Variants in PAG1 observed in about 807,000 individuals in gnomAD.
PAG1 encodes the protein phosphoprotein associated with glycosphingolipid-enriched microdomains 1.
PAG1 carries 23 observed loss-of-function variants against 31.7 expected under a neutral mutation model. The ratio of observed to expected loss-of-function variants is 0.73; its 90% confidence interval spans 0.52 to 1.03. PAG1 has a LOEUF of 1.03. PAG1 is among the 50% of genes least tolerant of loss of function. The pLI is 0.00. For synonymous variants in PAG1, 214 were observed against 210.3 expected (o/e 1.02, Z -0.15); for missense variants, 473 against 540.7 (o/e 0.87, Z 1.24).
chr8:81,091,112 A>T (rs1489332848), intron 1 of PAG1, among the ~76,000 whole-genome samples: 2 of 152,190 alleles, frequency 1.3e-5, no homozygotes, highest in Non-Finnish European at 2.9e-5. Context: ...TAATAGATAG[A>T]GCATACAGAC....
At position 80,991,511 on chromosome 8, in the gene PAG1, G is replaced by C. The variant is rs755707986; in HGVS notation, c.145C>G (p.His49Asp). Reference sequence around the variant, plus strand: ...ATCAGGTTCTCATGGTCCCCACTATGCTGTCGCGGCTTCTTTTCCCTGAAA... The same window carrying C: ...ATCAGGTTCTCATGGTCCCCACTATCCTGTCGCGGCTTCTTTTCCCTGAAA... ...SCDREKKPRQHSGDHENLMNV... is the reference protein window; with the variant it reads ...SCDREKKPRQDSGDHENLMNV... Residue 49 changes from histidine (H) to aspartate (D), a missense_variant, in exon 5 of 9, where the codon CAT becomes GAT. His to Asp is a moderately conservative substitution (Grantham distance 81). Coordinates refer to ENST00000220597, the MANE Select transcript of PAG1 (RefSeq NM_018440.4). The C allele has an allele frequency of 6.2e-7, 1 of 1,613,476 alleles. No individual in the cohort carries two copies. The highest frequency in any genetic ancestry group is 1.1e-5 in the South Asian group (1 of 91,068).
intron 3 of PAG1, among the ~76,000 whole-genome samples, chr8:81,016,840 G>T (rs1808080583): frequency 6.6e-6 from 1 of 152,072 alleles, no homozygotes. Flanking sequence ...TCTCACACCA[G>T]GCCTAAGGTG....
intron 1 of PAG1, among the ~76,000 whole-genome samples, chr8:81,105,304 G>A (rs1809676933): frequency 1.3e-5 from 2 of 152,048 alleles, no homozygotes; most frequent in Admixed American, 6.5e-5. Flanking sequence ...CTAACAATGT[G>A]CCTGGTATCA....
intron 6 of PAG1, among the ~76,000 whole-genome samples, chr8:80,985,733 A>G (rs1166288119): frequency 1.3e-5 from 2 of 152,252 alleles, no homozygotes; most frequent in African/African-American, 2.4e-5. Flanking sequence ...GCTGGACACC[A>G]GAAAGGCAGC....
rs536297744 is a variant in PAG1, at chr8:80,982,085, C to T, written c.877-1591G>A. The stretch of plus-strand genomic sequence containing the variant: ...GCTGCTACATTGCCCAGGCTGGTTT[C>T]AAACACCTGGTTTCAAGTGATCCAC... On this transcript the variant is annotated intron_variant, in intron 7 of 8. Coordinates refer to ENST00000220597, the MANE Select transcript of PAG1 (RefSeq NM_018440.4). 4.6e-5 allele frequency among the ~76,000 whole-genome samples: 7 copies of T among 152,152 alleles called. No homozygotes were observed. In the East Asian group the frequency reaches 1.4e-3, roughly 29 times the overall value.
intron 2 of PAG1, among the ~76,000 whole-genome samples, chr8:81,057,539 G>T (rs1346701936): frequency 6.9e-6 from 1 of 145,658 alleles, no homozygotes; most frequent in Non-Finnish European, 1.5e-5. Context: ...ACACAGGAAG[G>T]GGAACATCAC....
At chr8:81,024,699 T>C (rs774682842) in intron 3 of PAG1, among the ~76,000 whole-genome samples, 2 of 152,218 alleles carry the variant, frequency 1.3e-5, no homozygotes, top group Non-Finnish European at 1.5e-5. Context: ...GGAAAATGTT[T>C]GTTTTTAGTT....
intron 3 of PAG1, among the ~76,000 whole-genome samples, chr8:81,029,584 G>A (rs936375838): frequency 2.6e-5 from 4 of 152,086 alleles, no homozygotes; most frequent in African/African-American, 7.2e-5. Context: ...TCCCTCTTGT[G>A]ACATGAATAC....
At chr8:81,009,719 C>T (rs771240815) in intron 3 of PAG1, among the ~76,000 whole-genome samples, 1 of 152,078 alleles carries the variant, frequency 6.6e-6, no homozygotes, top group African/African-American at 2.4e-5. Context: ...CTCAAGAGAT[C>T]CTCCCACCTA....
At chr8:81,046,582 C>T (rs1808645630) in intron 2 of PAG1, among the ~76,000 whole-genome samples, 1 of 152,118 alleles carries the variant, frequency 6.6e-6, no homozygotes, top group East Asian at 1.9e-4. Flanking sequence ...TGTTTTTGGG[C>T]AAACATAATT....
intron 1 of PAG1, among the ~76,000 whole-genome samples, chr8:81,089,230 G>A (rs900296413): frequency 6.6e-6 from 1 of 152,152 alleles, no homozygotes; most frequent in Non-Finnish European, 1.5e-5. Flanking sequence ...ACTGTGGAGG[G>A]ACTCAGGCAG....
intron 2 of PAG1, among the ~76,000 whole-genome samples, chr8:81,031,195 T>C (rs1242200730): frequency 6.6e-6 from 1 of 152,236 alleles, no homozygotes; most frequent in African/African-American, 2.4e-5. Context: ...AGTTAGAAAG[T>C]GAGAAACTGC....
chr8:81,030,896 T>C (rs1808368655), intron 2 of PAG1, among the ~76,000 whole-genome samples: 1 of 152,216 alleles, frequency 6.6e-6, no homozygotes, highest in Admixed American at 6.5e-5. Flanking sequence ...AATGAATGAA[T>C]GAACGAACGA....
chr8:81,068,530 T>A (rs1417400900), intron 2 of PAG1, among the ~76,000 whole-genome samples: 1 of 152,208 alleles, frequency 6.6e-6, no homozygotes, highest in African/African-American at 2.4e-5. Context: ...CAAAGCATTA[T>A]TGTTGAGAAG....
intron 2 of PAG1, among the ~76,000 whole-genome samples, chr8:81,061,597 A>G (rs985268202): frequency 2.0e-5 from 3 of 152,200 alleles, no homozygotes; most frequent in Admixed American, 6.5e-5. Context: ...CCAAAGGAAA[A>G]AGCCTGCATA....
chr8:81,087,871 T>C (rs964460100), intron 1 of PAG1, among the ~76,000 whole-genome samples: 2 of 152,178 alleles, frequency 1.3e-5, no homozygotes, highest in African/African-American at 4.8e-5. Context: ...TTGTCCACTA[T>C]GATTTAAAGA....
chr8:81,046,601 G>A (rs918938925), intron 2 of PAG1, among the ~76,000 whole-genome samples: 2 of 152,218 alleles, frequency 1.3e-5, no homozygotes, highest in Admixed American at 6.5e-5. Context: ...TTTAATGCAC[G>A]GAATAAGAAA....
rs1807596331 is a variant in PAG1, at chr8:80,993,258, G to C, written c.-31C>G. On this transcript the variant is annotated 5_prime_UTR_variant, in exon 4 of 9. Transcript: ENST00000220597. ...GAGCAGGCACTGGCACCAGCCGAGG[G>C]AATCAGTCAGTCCTTCAAAGGTGGT... The C allele has an allele frequency of 1.9e-6, 3 of 1,584,230 alleles. 1 individual carries two copies. The South Asian group carries it at 3.5e-5, about 18-fold the overall frequency.
intron 2 of PAG1, among the ~76,000 whole-genome samples, chr8:81,034,238 C>T (rs555915673): frequency 5.9e-5 from 9 of 152,292 alleles, no homozygotes; most frequent in South Asian, 2.1e-4. Flanking sequence ...AACAGTTCAA[C>T]GTACTGAGCA....
Sources: allele counts gnomAD v4.1 joint callset (sites outside exome capture counted in the v4.1 genomes callset), GRCh38; gene constraint gnomAD v4.1.1; transcripts MANE v1.5; gene names NCBI Gene and HGNC (gene_info 2026-07-23, HGNC 2026-07-21).